GRAMD1B: variants seen among roughly 807,000 people sequenced by gnomAD.
GRAMD1B encodes the protein protein Aster-B.
Under a neutral mutation model 99.7 loss-of-function variants are expected in GRAMD1B, and 37 were observed. That is an observed-to-expected ratio of 0.37 (90% CI 0.29 to 0.49). The LOEUF is 0.49. Among genes scored for constraint, GRAMD1B ranks in the 20% least tolerant of loss-of-function variants. The pLI is 0.98. For missense variants in GRAMD1B, 888 were observed against 1,009.2 expected, an observed-to-expected ratio of 0.88 and a Z score of 1.63; for synonymous variants, 427 against 387.6, an observed-to-expected ratio of 1.10 and a Z score of -1.19.
intron 1 of GRAMD1B, among the ~76,000 whole-genome samples, chr11:123,456,323 G>A (rs544006718): frequency 6.6e-6 from 1 of 152,326 alleles, no homozygotes; most frequent in African/African-American, 2.4e-5. Context: ...CCCACCAGGA[G>A]TTTGACATTC....
chr11:123,466,300 AAG>A (rs1353300263), intron 1 of GRAMD1B, among the ~76,000 whole-genome samples: 1 of 138,956 alleles, frequency 7.2e-6, no homozygotes, highest in Non-Finnish European at 1.6e-5. Context: ...AAAAGAAAGA[AAG>A]AGAGAGAGAG....
At chr11:123,444,692 C>T (rs1053495999) in intron 1 of GRAMD1B, among the ~76,000 whole-genome samples, 1 of 151,970 alleles carries the variant, frequency 6.6e-6, no homozygotes, top group African/African-American at 2.4e-5. Context: ...CAAGGTATTG[C>T]AGGGGGTTAG....
At chr11:123,542,548 A>G (rs543177769) in intron 2 of GRAMD1B, among the ~76,000 whole-genome samples, 3 of 152,182 alleles carry the variant, frequency 2.0e-5, no homozygotes, top group Admixed American at 6.5e-5. Context: ...GGGAAGAAGC[A>G]TTGGGAGCAG....
rs57682453 is a variant in GRAMD1B, at chr11:123,591,555, T to C, written c.685-2527T>C. 9.3e-3 allele frequency: 3,699 copies of C among 398,846 alleles called. 63 individuals carry two copies. Among genetic ancestry groups the C allele is most frequent in the African/African-American group, 0.045 (2,215 of 48,742 alleles). 24.7% of individuals were successfully genotyped at this position (398,846 alleles called of 1,614,324 possible). A position where few individuals can be genotyped will look rare whatever the true frequency, so the allele number is the denominator to read the frequency against. On this transcript the variant is annotated intron_variant, in intron 4 of 19. Coordinates refer to ENST00000635736, the MANE Select transcript of GRAMD1B (RefSeq NM_001387025.1). The surrounding 1 kb of genome is among the most constrained non-coding windows in gnomAD (Gnocchi z 4.7). ...GAAATCCCAGCCGTGAGTGTGTGACTCAGTTTCTCTGAGTCTCTGTGGTAG... is the reference window on the plus strand; with the variant it reads ...GAAATCCCAGCCGTGAGTGTGTGACCCAGTTTCTCTGAGTCTCTGTGGTAG...
intron 1 of GRAMD1B, among the ~76,000 whole-genome samples, chr11:123,409,559 G>A (rs1468479270): frequency 6.6e-6 from 1 of 152,088 alleles, no homozygotes; most frequent in Non-Finnish European, 1.5e-5. Context: ...GAACGAGACT[G>A]CAATTGTCAA....
chr11:123,485,715 C>CA (rs1352243609), intron 2 of GRAMD1B, among the ~76,000 whole-genome samples: 1 of 132,484 alleles, frequency 7.5e-6, no homozygotes, highest in African/African-American at 2.8e-5. Context: ...TTAATTCATT[C>CA]TTTTTTTTTT....
intron 2 of GRAMD1B, among the ~76,000 whole-genome samples, chr11:123,554,567 G>T (rs368924088): frequency 9.1e-4 from 137 of 151,104 alleles, no homozygotes; most frequent in African/African-American, 3.3e-3. Context: ...ACAAAATGCC[G>T]GACATGGTGG....
intron 19 of GRAMD1B, 153 bp downstream of exon 19, chr11:123,619,377 A>G (rs1229567253): frequency 1.3e-6 from 2 of 1,508,656 alleles, no homozygotes; most frequent in Non-Finnish European, 1.8e-6. Flanking sequence ...TCTAAATGGA[A>G]AGCCTTCCTT....
At chr11:123,490,191 C>T (rs997251490) in intron 2 of GRAMD1B, among the ~76,000 whole-genome samples, 5 of 152,112 alleles carry the variant, frequency 3.3e-5, no homozygotes, top group African/African-American at 1.2e-4. Context: ...GACATAGTAC[C>T]AGGCAAAGTG....
chr11:123,606,515 A>G (rs906254021), intron 10 of GRAMD1B, 94 bp from the exon 11 acceptor site: 21 of 1,122,232 alleles, frequency 1.9e-5, no homozygotes, highest in African/African-American at 3.1e-5. Flanking sequence ...AGCTGGGAGT[A>G]TGAGAGCTGC....
At chr11:123,414,507 A>T (rs1948162050) in intron 1 of GRAMD1B, among the ~76,000 whole-genome samples, 4 of 152,184 alleles carry the variant, frequency 2.6e-5, no homozygotes, top group Admixed American at 2.0e-4. Context: ...TTATAGATGA[A>T]TGCTTAGCTC....
intron 1 of GRAMD1B, among the ~76,000 whole-genome samples, chr11:123,438,906 G>C (rs1949283101): frequency 6.6e-6 from 1 of 152,220 alleles, no homozygotes; most frequent in Admixed American, 6.5e-5. Flanking sequence ...GCAAACTGCT[G>C]GCCCTGAAGC....
intron 1 of GRAMD1B, among the ~76,000 whole-genome samples, chr11:123,409,407 C>T (rs970671384): frequency 1.3e-5 from 2 of 152,092 alleles, no homozygotes; most frequent in Non-Finnish European, 2.9e-5. Context: ...GTAACTGTGC[C>T]GCAGTCATCT....
chr11:123,491,621 C>T (rs1032332524), intron 2 of GRAMD1B: 1 of 349,976 alleles, frequency 2.9e-6, no homozygotes, highest in Non-Finnish European at 5.1e-6. Flanking sequence ...GTGGCTTGGG[C>T]AGGAGGCAGA....
intron 17 of GRAMD1B, among the ~76,000 whole-genome samples, chr11:123,617,987 G>A (rs1440469879): frequency 6.6e-6 from 1 of 152,180 alleles, no homozygotes; most frequent in East Asian, 1.9e-4. Flanking sequence ...TTGAGGCAGG[G>A]AACTTTGCAG....
chr11:123,473,685 G>T (rs1451299214), intron 1 of GRAMD1B, among the ~76,000 whole-genome samples: 1 of 152,168 alleles, frequency 6.6e-6, no homozygotes, highest in African/African-American at 2.4e-5. Context: ...CCTTGCTGCA[G>T]GTTCCCATGG....
intron 8 of GRAMD1B, among the ~76,000 whole-genome samples, chr11:123,600,923 G>T (rs887938799): frequency 3.9e-5 from 6 of 152,226 alleles, no homozygotes; most frequent in African/African-American, 1.4e-4. Flanking sequence ...GAAAGGGGAA[G>T]AAGTGGGCAG....
chr11:123,606,553 G>A, intron 10 of GRAMD1B, 56 bp from the exon 11 acceptor site: 1 of 1,482,502 alleles, frequency 6.7e-7, no homozygotes, highest in Non-Finnish European at 9.2e-7. Flanking sequence ...TCTCCCTTTG[G>A]AGAATAGATC....
chr11:123,408,467 C>T (rs149137365), intron 1 of GRAMD1B, among the ~76,000 whole-genome samples: 14 of 152,294 alleles, frequency 9.2e-5, no homozygotes, highest in Non-Finnish European at 1.5e-4. Context: ...CACTAATTGC[C>T]CAACCAAAGG....
Sources: allele counts gnomAD v4.1 joint callset (sites outside exome capture counted in the v4.1 genomes callset), GRCh38; gene constraint gnomAD v4.1.1; non-coding constraint Gnocchi (gnomAD v3.1); transcripts MANE v1.5; gene names NCBI Gene and HGNC (gene_info 2026-07-23, HGNC 2026-07-21).